GRAMD2B: variants seen among roughly 807,000 people sequenced by gnomAD.
GRAMD2B encodes GRAM domain-containing protein 2B.
Under a neutral mutation model 59.2 loss-of-function variants are expected in GRAMD2B, and 41 were observed. That is an observed-to-expected ratio of 0.69 (90% CI 0.54 to 0.90). The LOEUF (loss-of-function observed/expected upper bound fraction) is 0.90. Among genes scored for constraint, GRAMD2B ranks in the 40% least tolerant of loss-of-function variants. GRAMD2B has a pLI of 0.00. For missense variants in GRAMD2B, 424 were observed against 500.5 expected, an observed-to-expected ratio of 0.85 and a Z score of 1.46; for synonymous variants, 161 against 182.7, an observed-to-expected ratio of 0.88 and a Z score of 0.96.
chr5:126,465,048 C>G (rs1768045438), intron 1 of GRAMD2B: 1 of 1,027,026 alleles, frequency 9.7e-7, no homozygotes, highest in African/African-American at 1.7e-5. Flanking sequence ...GGAAGGCTCA[C>G]ACCTGCAGGA....
intron 1 of GRAMD2B, among the ~76,000 whole-genome samples, chr5:126,404,361 T>G (rs1006818720): frequency 6.6e-6 from 1 of 151,806 alleles, no homozygotes; most frequent in Admixed American, 6.6e-5. Flanking sequence ...AAGCACATAT[T>G]AGGATTACTT....
chr5:126,435,514 T>C (rs1401813169), intron 1 of GRAMD2B, among the ~76,000 whole-genome samples: 3 of 152,090 alleles, frequency 2.0e-5, no homozygotes, highest in South Asian at 2.1e-4. Flanking sequence ...CCCGGTTAGG[T>C]GTCCCCTCTT....
intron 1 of GRAMD2B, among the ~76,000 whole-genome samples, chr5:126,382,740 T>C (rs1052831874): frequency 7.2e-5 from 11 of 152,226 alleles, no homozygotes; most frequent in Non-Finnish European, 1.5e-4. Flanking sequence ...TAAGCTAATA[T>C]GATCTTTTGG....
chr5:126,482,056 TG>T (rs567948782), intron 8 of GRAMD2B, among the ~76,000 whole-genome samples: 120 of 151,790 alleles, frequency 7.9e-4, no homozygotes, highest in African/African-American at 2.5e-3. Flanking sequence ...GTATGCTAAG[TG>T]AAAGAACCCA....
At chr5:126,368,819 C>T (rs1385874035), upstream of GRAMD2B, among the ~76,000 whole-genome samples, 2 of 152,204 alleles carry the variant, frequency 1.3e-5, no homozygotes, top group Non-Finnish European at 2.9e-5. Context: ...TTAACTACGT[C>T]AGTATGCTTC....
At chr5:126,423,369 C>T, upstream of GRAMD2B, 3 of 1,333,762 alleles carry the variant, frequency 2.2e-6, no homozygotes, top group Non-Finnish European at 1.9e-6. Flanking sequence ...TTCGACCCTC[C>T]CCTTCCCTCC....
chr5:126,475,730 C>G (rs1041932024), intron 5 of GRAMD2B, among the ~76,000 whole-genome samples: 4 of 152,196 alleles, frequency 2.6e-5, no homozygotes, highest in Admixed American at 2.6e-4. Flanking sequence ...TTTGGGAGGC[C>G]AAGGCGGGCG....
chr5:126,487,710 A>G (rs931085476), intron 12 of GRAMD2B, among the ~76,000 whole-genome samples: 6 of 152,194 alleles, frequency 3.9e-5, no homozygotes, highest in African/African-American at 1.4e-4. Flanking sequence ...ATTTTTCCTC[A>G]TTATATTTTC....
At chr5:126,425,087 A>C (rs73783692) in intron 1 of GRAMD2B, among the ~76,000 whole-genome samples, 5,911 of 152,228 alleles carry the variant, frequency 0.039, 392 homozygotes, top group African/African-American at 0.13. Flanking sequence ...TTGCAACCTC[A>C]CTTCCTAATA....
At chr5:126,425,282 A>G (rs1487579020) in intron 1 of GRAMD2B, among the ~76,000 whole-genome samples, 1 of 152,238 alleles carries the variant, frequency 6.6e-6, no homozygotes, top group Non-Finnish European at 1.5e-5. Context: ...AAGATACGAA[A>G]TCAATCTAAG....
At chr5:126,425,293 T>C (rs1168992280) in intron 1 of GRAMD2B, among the ~76,000 whole-genome samples, 1 of 152,216 alleles carries the variant, frequency 6.6e-6, no homozygotes, top group Non-Finnish European at 1.5e-5. Context: ...TCAATCTAAG[T>C]GTCTATCAAT....
chr5:126,484,584 CTTTTT>C, intron 10 of GRAMD2B, 60 bp downstream of exon 10: 2 of 1,267,804 alleles, frequency 1.6e-6, no homozygotes, highest in Non-Finnish European at 1.1e-6. Flanking sequence ...CTGTTTGTAA[CTTTTT>C]TTTTTTTTTT....
intron 11 of GRAMD2B, among the ~76,000 whole-genome samples, chr5:126,486,135 G>A (rs1772869780): frequency 1.3e-5 from 2 of 152,160 alleles, no homozygotes; most frequent in South Asian, 4.1e-4. Context: ...TACATATAAT[G>A]TATACTGATC....
intron 1 of GRAMD2B, among the ~76,000 whole-genome samples, chr5:126,414,642 C>CT: frequency 6.6e-6 from 1 of 152,050 alleles, no homozygotes; most frequent in Admixed American, 6.6e-5. Context: ...GTTTTAATTT[C>CT]TTTTTTTGTA....
intron 1 of GRAMD2B, among the ~76,000 whole-genome samples, chr5:126,389,596 A>T (rs1321249625): frequency 6.6e-6 from 1 of 152,244 alleles, no homozygotes; most frequent in African/African-American, 2.4e-5. Flanking sequence ...CTGTGTGCTT[A>T]AAATAAATGT....
At chr5:126,408,498 C>G (rs1758458523) in intron 1 of GRAMD2B, among the ~76,000 whole-genome samples, 1 of 150,776 alleles carries the variant, frequency 6.6e-6, no homozygotes, top group Non-Finnish European at 1.5e-5. Context: ...AATGGTAGTT[C>G]TGTTTTTTTT....
At chr5:126,378,519 T>C (rs1453634613) in intron 1 of GRAMD2B, among the ~76,000 whole-genome samples, 3 of 152,212 alleles carry the variant, frequency 2.0e-5, no homozygotes, top group African/African-American at 4.8e-5. Context: ...TAAAATTGTA[T>C]AAGCTTCAGG....
chr5:126,467,147 G>T (rs1446213239), intron 2 of GRAMD2B, among the ~76,000 whole-genome samples: 3 of 151,954 alleles, frequency 2.0e-5, no homozygotes, highest in Admixed American at 6.6e-5. Flanking sequence ...AAATTAGCCG[G>T]GTGTGGTAGT....
At chr5:126,465,695 AC>A (rs1181596142) in intron 2 of GRAMD2B, 150 bp downstream of exon 2, 31 of 699,630 alleles carry the variant, frequency 4.4e-5, no homozygotes, top group Admixed American at 2.1e-4. Flanking sequence ...TTTCCCTGAT[AC>A]CCAGGTAGCA....
Sources: gnomAD v4.1 joint callset for allele counts (sites outside exome capture counted in the v4.1 genomes callset) on GRCh38, gnomAD v4.1.1 for gene constraint, MANE v1.5 for transcripts, NCBI Gene and HGNC (gene_info 2026-07-23, HGNC 2026-07-21) for gene names.